USH2A: variants seen among roughly 807,000 people sequenced by gnomAD.
USH2A encodes Usher syndrome 2A (autosomal recessive, mild).
A neutral mutation model predicts 538.9 loss-of-function variants in USH2A; 443 were observed. That is an observed-to-expected ratio of 0.82 (90% confidence interval 0.76 to 0.89). USH2A has a LOEUF of 0.89. Among genes scored for constraint, USH2A ranks in the 40% least tolerant of loss-of-function variants. The pLI, the probability that USH2A is intolerant of heterozygous loss-of-function variation, is 0.00. For missense variants in USH2A, 6,633 were observed against 6,324.8 expected (o/e 1.05, Z -1.65); for synonymous variants, 2,413 against 2,273.5 (o/e 1.06, Z -1.75).
At chr1:216,148,000 C>A (rs1004429772) in intron 21 of USH2A, among the ~76,000 whole-genome samples, 237 of 136,786 alleles carry the variant, frequency 1.7e-3, no homozygotes, top group Non-Finnish European at 3.0e-3. Context: ...CAGATCTTCT[C>A]GGCTTAGGGG....
At chr1:215,828,293 T>C (rs992347207) in intron 47 of USH2A, among the ~76,000 whole-genome samples, 2 of 151,950 alleles carry the variant, frequency 1.3e-5, no homozygotes, top group Non-Finnish European at 2.9e-5. Context: ...CTCTACAAAA[T>C]AATTTTAAAA....
At chr1:215,963,443 T>C (rs1254481542) in intron 37 of USH2A, among the ~76,000 whole-genome samples, 1 of 152,104 alleles carries the variant, frequency 6.6e-6, no homozygotes, top group Non-Finnish European at 1.5e-5. Context: ...GTTGAACCCG[T>C]ACCGCAAAAA....
At chr1:215,739,706 C>T (rs992742622) in intron 60 of USH2A, among the ~76,000 whole-genome samples, 3 of 152,182 alleles carry the variant, frequency 2.0e-5, no homozygotes, top group African/African-American at 7.2e-5. Flanking sequence ...AGAAATTTGG[C>T]TTGTTCATTT....
intron 20 of USH2A, among the ~76,000 whole-genome samples, chr1:216,176,592 G>C (rs2034388513): frequency 6.6e-6 from 1 of 152,018 alleles, no homozygotes; most frequent in South Asian, 2.1e-4. Context: ...TTCCATTGGG[G>C]CTCACACGTG....
At chr1:216,312,076 C>A (rs1408047204) in intron 9 of USH2A, among the ~76,000 whole-genome samples, 1 of 151,954 alleles carries the variant, frequency 6.6e-6, no homozygotes, top group Non-Finnish European at 1.5e-5. Context: ...CTTTAACATT[C>A]TTGCAAGGCA....
At position 215,878,821 on chromosome 1, in the gene USH2A, T is replaced by A. The variant is rs1447462265; in HGVS notation, c.8501A>T (p.Glu2834Val). 1 of 1,613,892 alleles carries A rather than the reference T, an allele frequency of 6.2e-7. No individual in the cohort carries two copies. Among genetic ancestry groups the A allele is most frequent in the African/African-American group, 1.3e-5 (1 of 74,878 alleles). ...TTGCCAAGAAATCACAACATATGAT[T>A]CACTTAGTGGAATCACAGACAATGG... ...VGPLSVIPLS[E>V]SYVVISWQPP... The change falls in exon 42 of 72, where the codon GAA becomes GTA. Residue 2834 changes from glutamate (E) to valine (V), a missense_variant. Physicochemically the swap from Glu to Val is moderately radical, Grantham distance 121 (BLOSUM62 -2). Coordinates refer to ENST00000307340, the MANE Select transcript of USH2A (RefSeq NM_206933.4).
In USH2A at chr1:216,081,068, ACCCG is replaced by A. The variant is rs2031926926; in HGVS notation, c.5298+2384_5298+2387del. On this transcript the variant is annotated intron_variant, in intron 26 of 71. Coordinates refer to ENST00000307340, the MANE Select transcript of USH2A (RefSeq NM_206933.4). ...TGGAGAGCTCAAAACAAGTTCTCATACCCGTATTAGTTTTCCTATAGTGTTTAGC... is the reference window on the plus strand; with the variant it reads ...TGGAGAGCTCAAAACAAGTTCTCATATATTAGTTTTCCTATAGTGTTTAGC... Among the ~76,000 whole-genome samples the A allele has an allele frequency of 9.2e-5, 14 of 152,266 alleles. 1 individual carries two copies. Among genetic ancestry groups the A allele is most frequent in the South Asian group, 4.1e-4 (2 of 4,828 alleles).
intron 21 of USH2A, among the ~76,000 whole-genome samples, chr1:216,151,793 A>C (rs1558286429): frequency 6.6e-6 from 1 of 152,212 alleles, no homozygotes; most frequent in Non-Finnish European, 1.5e-5. Flanking sequence ...GATAGAGCCC[A>C]AAAACTTGCC....
chr1:216,096,431 A>C (rs17026083), intron 22 of USH2A, among the ~76,000 whole-genome samples: 6,623 of 152,258 alleles, frequency 0.043, 478 homozygotes, highest in African/African-American at 0.15. Flanking sequence ...CAGACATATA[A>C]TCTTGTCCTG....
At chr1:215,745,782 A>G (rs985155300) in intron 58 of USH2A, among the ~76,000 whole-genome samples, 2 of 152,190 alleles carry the variant, frequency 1.3e-5, no homozygotes, top group Admixed American at 6.5e-5. Flanking sequence ...TTGATAATGG[A>G]GTCTTAGAGT....
chr1:215,968,356 G>T (rs1387181015), intron 36 of USH2A, among the ~76,000 whole-genome samples: 1 of 151,842 alleles, frequency 6.6e-6, no homozygotes, highest in Non-Finnish European at 1.5e-5. Context: ...TGTTGCTGCT[G>T]TTTATTTTGT....
chr1:216,309,322 G>A (rs2037378241), intron 9 of USH2A, among the ~76,000 whole-genome samples: 1 of 152,040 alleles, frequency 6.6e-6, no homozygotes, highest in Non-Finnish European at 1.5e-5. Context: ...TTGCTTAATA[G>A]GGTGTTTTTG....
chr1:216,379,698 T>A (rs2038896825), intron 3 of USH2A, among the ~76,000 whole-genome samples: 1 of 152,180 alleles, frequency 6.6e-6, no homozygotes, highest in African/African-American at 2.4e-5. Context: ...GAAAGTGTCA[T>A]TCCATCTGAA....
intron 21 of USH2A, among the ~76,000 whole-genome samples, chr1:216,172,347 T>C (rs548815421): frequency 5.3e-4 from 80 of 152,232 alleles, no homozygotes; most frequent in Non-Finnish European, 1.0e-3. Flanking sequence ...TGTATAATTA[T>C]GTACATCAAC....
chr1:215,771,307 G>C (rs1224303195), intron 55 of USH2A, among the ~76,000 whole-genome samples: 1 of 151,742 alleles, frequency 6.6e-6, no homozygotes, highest in East Asian at 2.0e-4. Context: ...TCGGCCGGGC[G>C]CAGTGGCTCA....
intron 55 of USH2A, among the ~76,000 whole-genome samples, chr1:215,768,471 A>AT (rs35530655): frequency 8.5e-5 from 13 of 152,058 alleles, no homozygotes; most frequent in East Asian, 5.8e-4. Flanking sequence ...AGCCCTTTGT[A>AT]TTTTTTTTAT....
chr1:216,368,913 A>G (rs1337922355), intron 3 of USH2A, among the ~76,000 whole-genome samples: 2 of 152,156 alleles, frequency 1.3e-5, no homozygotes, highest in Non-Finnish European at 2.9e-5. Flanking sequence ...TTAAAGCAAA[A>G]CCATTTTATG....
intron 29 of USH2A, 41 bp downstream of exon 29, chr1:216,072,848 T>C (rs1332770774): frequency 6.7e-7 from 1 of 1,481,530 alleles, no homozygotes; most frequent in Non-Finnish European, 9.4e-7. Flanking sequence ...AATACATGCA[T>C]GTGTGTGTGT....
At chr1:215,782,978 A>G in intron 52 of USH2A, 43 bp from the exon 53 acceptor site, 1 of 1,568,158 alleles carries the variant, frequency 6.4e-7, no homozygotes, top group Non-Finnish European at 8.7e-7. Flanking sequence ...TCTTATTTTC[A>G]TTTTTTAACC....
Sources: allele counts gnomAD v4.1 joint callset (sites outside exome capture counted in the v4.1 genomes callset), GRCh38; gene constraint gnomAD v4.1.1; transcripts MANE v1.5; gene names NCBI Gene and HGNC (gene_info 2026-07-23, HGNC 2026-07-21).